The following ARFIP1 variants were observed in gnomAD, a reference collection of about 807,000 sequenced individuals.
The protein encoded by ARFIP1 is arfaptin-1.
A neutral mutation model predicts 42.5 loss-of-function variants in ARFIP1; 24 were observed. The ratio of observed to expected loss-of-function variants is 0.57; its 90% confidence interval spans 0.41 to 0.80. The LOEUF is 0.80. ARFIP1 is among the 30% of genes least tolerant of loss of function. The pLI, the probability that ARFIP1 is intolerant of heterozygous loss-of-function variation, is 0.00. For synonymous variants in ARFIP1, 141 were observed against 153.7 expected (o/e 0.92, Z 0.61); for missense variants, 354 against 434.0 (o/e 0.82, Z 1.64).
chr4:152,872,492 A>G lies in ARFIP1; in HGVS notation c.339A>G (p.Leu113=). 6.2e-7 allele frequency: 1 copy of G among 1,612,226 alleles called. No individual in the cohort carries two copies. Among genetic ancestry groups the G allele is most frequent in the African/African-American group, 1.3e-5 (1 of 74,936 alleles). Residue 113 remains leucine (L), a synonymous_variant, in exon 5 of 9, where the codon CTA becomes CTG. Transcript: ENST00000353617. The part of the protein sequence containing the change: ...RTQTKSGPVI[L]ADEIKNPAME... ...AGACAAAAAGTGGACCAGTTATTCT[A>G]GCAGATGAAATTAAAAATCCTGCAA...
rs537138906 is a variant in ARFIP1, at chr4:152,911,099, A to G, written c.*880A>G. 134 of 152,790 alleles carry G rather than the reference A, an allele frequency of 8.8e-4. No homozygotes were observed. The highest frequency in any genetic ancestry group is 3.1e-3 in the African/African-American group (129 of 41,588). The allele number at this position is 152,790 out of a possible 1,614,324, so 9.5% of individuals were successfully genotyped here. ...CTTTTATTGACTTCCATATGTAACA[A>G]TACCGTTTAAGCCTTAAATCACAGA... On this transcript the variant is annotated 3_prime_UTR_variant, in exon 9 of 9. Coordinates refer to ENST00000353617, the MANE Select transcript of ARFIP1 (RefSeq NM_001025595.3).
At chr4:152,876,681 G>A (rs1735367745) in intron 5 of ARFIP1, among the ~76,000 whole-genome samples, 2 of 152,224 alleles carry the variant, frequency 1.3e-5, no homozygotes, top group South Asian at 2.1e-4. Context: ...ATGTCTTCAG[G>A]CCATGTCAGA....
intron 8 of ARFIP1, among the ~76,000 whole-genome samples, chr4:152,908,818 A>C (rs146743657): frequency 6.6e-6 from 1 of 151,384 alleles, no homozygotes; most frequent in Non-Finnish European, 1.5e-5. Context: ...GAGATCTGAG[A>C]CTCAGTCACA....
rs75029407 is a variant in ARFIP1, at chr4:152,894,179, G to T, written c.966+5872G>T. ...GCCGAGATCGCGCCACTACACTCCA[G>T]CCTAGATGACAGAGCGAGACTCTGT... On this transcript the variant is annotated intron_variant, in intron 8 of 8. Transcript: ENST00000353617. Among the ~76,000 whole-genome samples, 1,406 of 148,282 alleles carry T rather than the reference G, an allele frequency of 9.5e-3. 28 individuals are homozygous for T. The highest frequency in any genetic ancestry group is 0.033 in the African/African-American group (1,307 of 39,980).
At chr4:152,809,293 T>G (rs1729262082) in intron 1 of ARFIP1, among the ~76,000 whole-genome samples, 1 of 152,164 alleles carries the variant, frequency 6.6e-6, no homozygotes, top group East Asian at 1.9e-4. Context: ...GGGTCCTGAC[T>G]TGTAGATGTG....
intron 5 of ARFIP1, among the ~76,000 whole-genome samples, chr4:152,877,174 C>T (rs1735427308): frequency 6.6e-6 from 1 of 152,148 alleles, no homozygotes. Flanking sequence ...CCACCGATAG[C>T]TTGCACCGTG....
At chr4:152,804,119 T>TA (rs1728684213) in intron 1 of ARFIP1, among the ~76,000 whole-genome samples, 3 of 121,022 alleles carry the variant, frequency 2.5e-5, no homozygotes, top group Non-Finnish European at 4.9e-5. Flanking sequence ...ATATAACATG[T>TA]ATTATATATT....
intron 1 of ARFIP1, among the ~76,000 whole-genome samples, chr4:152,817,275 G>A (rs1406678588): frequency 6.6e-6 from 1 of 152,166 alleles, no homozygotes; most frequent in African/African-American, 2.4e-5. Flanking sequence ...AACTCCAGTA[G>A]CCACAAATAA....
chr4:152,794,096 C>G (rs1731289515), intron 1 of ARFIP1, among the ~76,000 whole-genome samples: 1 of 152,068 alleles, frequency 6.6e-6, no homozygotes, highest in South Asian at 2.1e-4. Flanking sequence ...CCCCATTTCC[C>G]CTAATGCTAA....
chr4:152,853,151 A>G (rs545682087), intron 2 of ARFIP1, among the ~76,000 whole-genome samples: 4 of 152,200 alleles, frequency 2.6e-5, no homozygotes, highest in African/African-American at 9.6e-5. Context: ...TATTTTGTAT[A>G]ATCTTTGTTC....
chr4:152,892,430 G>A (rs1304358345), intron 8 of ARFIP1, among the ~76,000 whole-genome samples: 1 of 152,110 alleles, frequency 6.6e-6, no homozygotes, highest in Non-Finnish European at 1.5e-5. Context: ...ACCAAACAAC[G>A]AGAATAGGGC....
intron 8 of ARFIP1, among the ~76,000 whole-genome samples, chr4:152,896,560 A>G (rs943554070): frequency 4.2e-4 from 64 of 152,204 alleles, no homozygotes; most frequent in African/African-American, 1.5e-3. Flanking sequence ...ATTTTCTTGT[A>G]TTTGCACAAA....
chr4:152,903,353 C>A (rs1738006615), intron 8 of ARFIP1, among the ~76,000 whole-genome samples: 1 of 151,946 alleles, frequency 6.6e-6, no homozygotes, highest in Admixed American at 6.6e-5. Context: ...ATTACAGTAA[C>A]CAATACTAAT....
At chr4:152,783,225 G>A (rs927253761) in intron 1 of ARFIP1, among the ~76,000 whole-genome samples, 2 of 152,046 alleles carry the variant, frequency 1.3e-5, no homozygotes, top group Non-Finnish European at 2.9e-5. Flanking sequence ...CAGGAGAATC[G>A]CTTGAACCCA....
chr4:152,842,184 A>G (rs1399827567), intron 2 of ARFIP1, among the ~76,000 whole-genome samples: 7 of 152,168 alleles, frequency 4.6e-5, no homozygotes, highest in Non-Finnish European at 8.8e-5. Flanking sequence ...GTAGAGAAAT[A>G]GCCAATCATC....
chr4:152,826,674 ACTT>A (rs1279103159), intron 1 of ARFIP1, among the ~76,000 whole-genome samples: 29 of 152,280 alleles, frequency 1.9e-4, no homozygotes, highest in Non-Finnish European at 2.9e-5. Flanking sequence ...TAGTAATACT[ACTT>A]CTGGGTGTAT....
chr4:152,837,411 C>T (rs1179505531), intron 2 of ARFIP1, among the ~76,000 whole-genome samples: 1 of 152,116 alleles, frequency 6.6e-6, no homozygotes, highest in Non-Finnish European at 1.5e-5. Flanking sequence ...GAAGTGTTTC[C>T]TGTTCACCGC....
intron 2 of ARFIP1, among the ~76,000 whole-genome samples, chr4:152,862,348 C>T (rs538202316): frequency 1.3e-3 from 199 of 152,048 alleles, no homozygotes; most frequent in African/African-American, 4.3e-3. Context: ...TGATCATTTC[C>T]TCTTCTGAAT....
chr4:152,889,540 T>A (rs1736564061), intron 8 of ARFIP1, among the ~76,000 whole-genome samples: 1 of 114,478 alleles, frequency 8.7e-6, no homozygotes, highest in African/African-American at 3.1e-5. Context: ...TATATACACC[T>A]ATTTTTGTGT....
Sources: allele counts gnomAD v4.1 joint callset (sites outside exome capture counted in the v4.1 genomes callset), GRCh38; gene constraint gnomAD v4.1.1; transcripts MANE v1.5; gene names NCBI Gene and HGNC (gene_info 2026-07-23, HGNC 2026-07-21).